CCDC178: variants seen among roughly 807,000 people sequenced by gnomAD.
CCDC178 encodes coiled-coil domain-containing protein 178.
Under a neutral mutation model 117.4 loss-of-function variants are expected in CCDC178, and 126 were observed. That is an observed-to-expected ratio of 1.07 (90% confidence interval 0.93 to 1.24). CCDC178 has a LOEUF of 1.24. Ranked by LOEUF, CCDC178 falls within the 50% of genes most tolerant of loss-of-function variation. The pLI is 0.00. For synonymous variants in CCDC178, 283 were observed against 313.4 expected (o/e 0.90, Z 1.02); for missense variants, 1,030 against 986.9 (o/e 1.04, Z -0.59).
At chr18:33,024,261 G>T (rs927492785) in intron 21 of CCDC178, among the ~76,000 whole-genome samples, 8 of 152,160 alleles carry the variant, frequency 5.3e-5, no homozygotes, top group Non-Finnish European at 1.0e-4. Context: ...TTAAACAACA[G>T]AAACTATTTT....
intron 20 of CCDC178, among the ~76,000 whole-genome samples, chr18:33,192,031 C>A (rs1379276715): frequency 6.6e-6 from 1 of 151,998 alleles, no homozygotes; most frequent in Non-Finnish European, 1.5e-5. Context: ...CTATATTTAG[C>A]CATAACTGTA....
At chr18:33,430,210 T>C (rs537659624) in intron 2 of CCDC178, among the ~76,000 whole-genome samples, 55 of 152,340 alleles carry the variant, frequency 3.6e-4, no homozygotes, top group African/African-American at 1.3e-3. Context: ...CTAAATATAA[T>C]AAAACTATTT....
At chr18:33,004,376 T>C (rs1598777315) in intron 21 of CCDC178, among the ~76,000 whole-genome samples, 1 of 152,120 alleles carries the variant, frequency 6.6e-6, no homozygotes. Context: ...GCCAAGAACA[T>C]ACACCGAGGA....
intron 6 of CCDC178, among the ~76,000 whole-genome samples, chr18:33,359,653 G>A (rs1363122314): frequency 6.6e-6 from 1 of 151,524 alleles, no homozygotes; most frequent in Non-Finnish European, 1.5e-5. Flanking sequence ...ATAAACATTT[G>A]TGTTATGTAG....
intron 21 of CCDC178, among the ~76,000 whole-genome samples, chr18:33,074,193 T>C (rs776472342): frequency 1.7e-4 from 26 of 151,740 alleles, no homozygotes; most frequent in Non-Finnish European, 3.5e-4. Flanking sequence ...ATTTTATATA[T>C]ATATAATGTA....
At chr18:33,220,302 T>C (rs2059215610) in intron 18 of CCDC178, among the ~76,000 whole-genome samples, 1 of 152,024 alleles carries the variant, frequency 6.6e-6, no homozygotes, top group African/African-American at 2.4e-5. Flanking sequence ...CTTTTATGAC[T>C]CACAGTAGCA....
At chr18:33,179,078 A>ATATATATATATATAT (rs1555656271) in intron 20 of CCDC178, among the ~76,000 whole-genome samples, 1 of 55,848 alleles carries the variant, frequency 1.8e-5, no homozygotes, top group Non-Finnish European at 2.9e-5. Context: ...AAAAAAAAAA[A>ATATATATATATATAT]ATATATATAT....
At chr18:33,115,346 T>C (rs1367951261) in intron 20 of CCDC178, among the ~76,000 whole-genome samples, 5 of 152,170 alleles carry the variant, frequency 3.3e-5, no homozygotes, top group Non-Finnish European at 1.5e-5. Flanking sequence ...AAATGTACTA[T>C]ATCCAGAAAT....
chr18:33,091,181 T>G (rs1264175332), intron 21 of CCDC178, among the ~76,000 whole-genome samples: 2 of 152,106 alleles, frequency 1.3e-5, no homozygotes, highest in Non-Finnish European at 1.5e-5. Flanking sequence ...CAAATAACAA[T>G]GTCAAATGCG....
rs2054149486 is a variant in CCDC178, at chr18:32,937,682, CG to C, written c.*328del. ...AAGACGATAGGGAAATCTGGGGAAG[CG>C]AACAGTCACTGTCAACACCGCCAGT... On this transcript the variant is annotated 3_prime_UTR_variant, in exon 23 of 23. Transcript: ENST00000383096. 1 of 254,800 alleles carries C rather than the reference CG, an allele frequency of 3.9e-6. No individual in the cohort carries two copies. The highest frequency in any genetic ancestry group is 7.5e-6 in the Non-Finnish European group (1 of 132,634). 15.8% of individuals were successfully genotyped at this position (254,800 alleles called of 1,614,324 possible). A position where few individuals can be genotyped will look rare whatever the true frequency, so the allele number is the denominator to read the frequency against.
At chr18:33,248,055 T>C (rs2059571442) in intron 14 of CCDC178, among the ~76,000 whole-genome samples, 1 of 151,748 alleles carries the variant, frequency 6.6e-6, no homozygotes, top group Admixed American at 6.6e-5. Context: ...ATAAAAAATC[T>C]ATAGCTAAAG....
At chr18:32,976,459 T>C (rs2144700206) in intron 21 of CCDC178, among the ~76,000 whole-genome samples, 1 of 152,232 alleles carries the variant, frequency 6.6e-6, no homozygotes, top group East Asian at 1.9e-4. Context: ...ACCTAATGTA[T>C]GCATCAATGA....
At chr18:33,329,350 G>A (rs2062632135) in intron 10 of CCDC178, among the ~76,000 whole-genome samples, 1 of 152,096 alleles carries the variant, frequency 6.6e-6, no homozygotes, top group Non-Finnish European at 1.5e-5. Context: ...GTAAAACTGG[G>A]TATCCTTCTC....
intron 21 of CCDC178, among the ~76,000 whole-genome samples, chr18:32,979,544 G>A (rs1434183492): frequency 1.3e-5 from 2 of 152,076 alleles, no homozygotes; most frequent in African/African-American, 4.8e-5. Flanking sequence ...AGGTACTTAG[G>A]TTTATATCTA....
intron 3 of CCDC178, among the ~76,000 whole-genome samples, chr18:33,403,326 C>T (rs1347342858): frequency 6.6e-6 from 1 of 152,108 alleles, no homozygotes; most frequent in East Asian, 1.9e-4. Context: ...CAGTGAGTGG[C>T]CACAGAGGGC....
intron 22 of CCDC178, among the ~76,000 whole-genome samples, chr18:32,971,685 A>G (rs917699703): frequency 2.6e-5 from 4 of 151,994 alleles, no homozygotes. Flanking sequence ...GCCAGTATCT[A>G]TGGTTTCCTG....
chr18:33,253,780 T>C (rs887350774), intron 14 of CCDC178, among the ~76,000 whole-genome samples: 3 of 151,982 alleles, frequency 2.0e-5, no homozygotes, highest in Middle Eastern at 6.8e-3. Flanking sequence ...ACATAAATGT[T>C]GGAGTTAAGT....
intron 2 of CCDC178, among the ~76,000 whole-genome samples, chr18:33,422,792 C>T (rs1477035994): frequency 6.6e-6 from 1 of 152,132 alleles, no homozygotes; most frequent in African/African-American, 2.4e-5. Flanking sequence ...GAATGAAATA[C>T]CTGCAGTCTG....
At chr18:33,215,001 A>C (rs1319352855) in intron 19 of CCDC178, among the ~76,000 whole-genome samples, 2 of 151,988 alleles carry the variant, frequency 1.3e-5, no homozygotes, top group Non-Finnish European at 1.5e-5. Flanking sequence ...AGAGTAAATA[A>C]GTTTTAGGTT....
Sources: gnomAD v4.1 joint callset for allele counts (sites outside exome capture counted in the v4.1 genomes callset) on GRCh38, gnomAD v4.1.1 for gene constraint, MANE v1.5 for transcripts, NCBI Gene and HGNC (gene_info 2026-07-23, HGNC 2026-07-21) for gene names.